DGKI: variants seen among roughly 807,000 people sequenced by gnomAD.
DGKI encodes DAG kinase iota.
Under a neutral mutation model 147.5 loss-of-function variants are expected in DGKI, and 55 were observed. The observed-to-expected ratio is 0.37, with a 90% CI of 0.30 to 0.47. The LOEUF (loss-of-function observed/expected upper bound fraction) is 0.47, where lower values mean the gene tolerates loss of function less well. DGKI is among the 20% of genes least tolerant of loss of function. The pLI, the probability that DGKI is intolerant of heterozygous loss-of-function variation, is 1.00. For missense variants in DGKI, 1,007 were observed against 1,323.8 expected (o/e 0.76, Z 3.71); for synonymous variants, 469 against 477.1 (o/e 0.98, Z 0.22).
chr7:137,643,537 G>A (rs1821723495), intron 6 of DGKI, among the ~76,000 whole-genome samples: 1 of 152,188 alleles, frequency 6.6e-6, no homozygotes, highest in Admixed American at 6.5e-5. Context: ...AATTCATGGA[G>A]AAGCTGCATT....
At chr7:137,703,992 T>C (rs1242440290) in intron 1 of DGKI, among the ~76,000 whole-genome samples, 3 of 152,064 alleles carry the variant, frequency 2.0e-5, no homozygotes, top group Admixed American at 6.6e-5. Context: ...AGGCAGATCA[T>C]TTGAGGTCAG....
intron 26 of DGKI, among the ~76,000 whole-genome samples, chr7:137,465,307 A>G (rs1814610933): frequency 6.6e-6 from 1 of 152,250 alleles, no homozygotes; most frequent in Non-Finnish European, 1.5e-5. Flanking sequence ...TGTTTTAAAA[A>G]TGCCAGGAAT....
chr7:137,543,055 C>T (rs938288372), intron 20 of DGKI, among the ~76,000 whole-genome samples: 9 of 152,062 alleles, frequency 5.9e-5, no homozygotes, highest in African/African-American at 1.9e-4. Flanking sequence ...GGAAACAGAA[C>T]CTAATGAGAG....
intron 23 of DGKI, among the ~76,000 whole-genome samples, chr7:137,472,407 G>A (rs1563040527): frequency 1.2e-4 from 15 of 124,800 alleles, no homozygotes; most frequent in African/African-American, 2.3e-4. Flanking sequence ...ATTATTATAT[G>A]TATATATACA....
intron 1 of DGKI, among the ~76,000 whole-genome samples, chr7:137,812,767 T>G (rs1456923793): frequency 6.6e-6 from 1 of 152,194 alleles, no homozygotes; most frequent in East Asian, 1.9e-4. Context: ...TGGTAAATAT[T>G]TAGTCCCAAG....
intron 21 of DGKI, among the ~76,000 whole-genome samples, chr7:137,511,895 C>G (rs967827382): frequency 6.6e-6 from 1 of 152,134 alleles, no homozygotes; most frequent in South Asian, 2.1e-4. Flanking sequence ...GTCCAATAAC[C>G]CTTGCCTCAA....
At chr7:137,535,248 G>T (rs1283463828) in intron 20 of DGKI, among the ~76,000 whole-genome samples, 2 of 152,164 alleles carry the variant, frequency 1.3e-5, no homozygotes, top group Middle Eastern at 3.4e-3. Flanking sequence ...AAGAATGAGA[G>T]AAATCTAATT....
chr7:137,594,180 G>A (rs912422450), intron 12 of DGKI, among the ~76,000 whole-genome samples: 2 of 152,068 alleles, frequency 1.3e-5, no homozygotes, highest in Admixed American at 1.3e-4. Flanking sequence ...CCAAGTAGCT[G>A]GGATTACAGG....
intron 8 of DGKI, among the ~76,000 whole-genome samples, chr7:137,610,091 A>T (rs952792897): frequency 6.6e-6 from 1 of 150,978 alleles, no homozygotes; most frequent in Non-Finnish European, 1.5e-5. Flanking sequence ...TTTGGTAATG[A>T]TCTTTTCTAG....
chr7:137,773,244 T>A (rs1288725699), intron 1 of DGKI, among the ~76,000 whole-genome samples: 1 of 152,132 alleles, frequency 6.6e-6, no homozygotes, highest in Non-Finnish European at 1.5e-5. Flanking sequence ...AACAAATGCA[T>A]AAAATGGTAC....
chr7:137,445,308 A>G (rs957793170), intron 27 of DGKI, among the ~76,000 whole-genome samples: 4 of 152,198 alleles, frequency 2.6e-5, no homozygotes, highest in Non-Finnish European at 4.4e-5. Flanking sequence ...CAAAGTATCA[A>G]TTTATTTCAA....
Position 137,384,968 on chromosome 7 carries a change from A to G in DGKI, c.*6252T>C, listed in dbSNP as rs1344654087. ...GCCACGCTGGTGGCAGAAGCCAAAGAGTTTTCCATGATTGCCTTTCATGTA... is the reference window on the plus strand; with the variant it reads ...GCCACGCTGGTGGCAGAAGCCAAAGGGTTTTCCATGATTGCCTTTCATGTA... On this transcript the variant is annotated 3_prime_UTR_variant, in exon 33 of 33. Coordinates refer to ENST00000614521, the MANE Select transcript of DGKI (RefSeq NM_001321708.2). 2 of 152,068 alleles carry G rather than the reference A, an allele frequency of 1.3e-5. No individual in the cohort carries two copies. The highest frequency in any genetic ancestry group is 3.9e-4 in the East Asian group (2 of 5,188). 9.4% of individuals were successfully genotyped at this position (152,068 alleles called of 1,614,324 possible). A position where few individuals can be genotyped will look rare whatever the true frequency, so the allele number is the denominator to read the frequency against.
chr7:137,648,886 T>C (rs1821926140), intron 5 of DGKI, among the ~76,000 whole-genome samples: 1 of 152,154 alleles, frequency 6.6e-6, no homozygotes, highest in Non-Finnish European at 1.5e-5. Flanking sequence ...TCTCTATGGC[T>C]CTACCATTTA....
intron 17 of DGKI, 111 bp downstream of exon 17, chr7:137,577,111 T>C (rs1292136257): frequency 1.3e-6 from 1 of 774,640 alleles, no homozygotes; most frequent in East Asian, 2.7e-5. Context: ...CAAAATGATC[T>C]CCAAAGTTCT....
chr7:137,786,482 T>G (rs1796671398), intron 1 of DGKI, among the ~76,000 whole-genome samples: 1 of 151,970 alleles, frequency 6.6e-6, no homozygotes, highest in African/African-American at 2.4e-5. Context: ...CCACAGCAAA[T>G]GGAAACACAT....
intron 1 of DGKI, among the ~76,000 whole-genome samples, chr7:137,808,059 T>C (rs972340638): frequency 2.6e-5 from 4 of 152,338 alleles, no homozygotes; most frequent in Middle Eastern, 3.4e-3. Flanking sequence ...TTAAGATCTC[T>C]GCTGTGATTG....
intron 28 of DGKI, among the ~76,000 whole-genome samples, chr7:137,433,456 T>C (rs1396350092): frequency 1.3e-5 from 2 of 152,192 alleles, no homozygotes; most frequent in Non-Finnish European, 2.9e-5. Context: ...GAGAAGACTT[T>C]TGATTAAATA....
At chr7:137,659,405 A>T (rs1822339100) in intron 3 of DGKI, among the ~76,000 whole-genome samples, 1 of 152,126 alleles carries the variant, frequency 6.6e-6, no homozygotes, top group African/African-American at 2.4e-5. Context: ...AAGTTATTTG[A>T]AGTAGTTGGA....
intron 1 of DGKI, among the ~76,000 whole-genome samples, chr7:137,810,814 A>G (rs1387194342): frequency 6.6e-6 from 1 of 152,130 alleles, no homozygotes; most frequent in East Asian, 1.9e-4. Flanking sequence ...ATCACTTCCA[A>G]TCACAACATA....
Sources: gnomAD v4.1 joint callset for allele counts (sites outside exome capture counted in the v4.1 genomes callset) on GRCh38, gnomAD v4.1.1 for gene constraint, MANE v1.5 for transcripts, NCBI Gene and HGNC (gene_info 2026-07-23, HGNC 2026-07-21) for gene names.